Variants in CRACD observed in about 807,000 individuals in gnomAD.
CRACD encodes capping protein-inhibiting regulator of actin dynamics.
CRACD carries 56 observed loss-of-function variants against 106.8 expected under a neutral mutation model. The ratio of observed to expected loss-of-function variants is 0.52; its 90% CI spans 0.42 to 0.66. CRACD has a LOEUF of 0.66. CRACD is among the 30% of genes least tolerant of loss of function. CRACD has a pLI of 0.00. For synonymous variants in CRACD, 754 were observed against 670.8 expected (o/e 1.12, Z -1.92); for missense variants, 1,730 against 1,623.2 (o/e 1.07, Z -1.13).
chr4:56,127,109 G>A (rs1253455131), intron 1 of CRACD, among the ~76,000 whole-genome samples: 2 of 152,166 alleles, frequency 1.3e-5, no homozygotes, highest in Admixed American at 6.5e-5. Context: ...AGGGCTTGAT[G>A]GAGGGAATAA....
intron 2 of CRACD, among the ~76,000 whole-genome samples, chr4:56,220,240 A>C (rs1278771586): frequency 6.6e-6 from 1 of 152,210 alleles, no homozygotes; most frequent in East Asian, 1.9e-4. Flanking sequence ...TAAACACAGA[A>C]GAAAAAAAGA....
chr4:56,116,568 A>G (rs2109848596), intron 1 of CRACD, among the ~76,000 whole-genome samples: 1 of 152,294 alleles, frequency 6.6e-6, no homozygotes, highest in East Asian at 1.9e-4. Flanking sequence ...CATCAATTTC[A>G]ACCCTCATCA....
intron 1 of CRACD, among the ~76,000 whole-genome samples, chr4:56,110,413 G>A (rs560209698): frequency 7.2e-5 from 11 of 152,164 alleles, no homozygotes; most frequent in Non-Finnish European, 1.5e-4. Flanking sequence ...CCAGGAAATA[G>A]TGCATTTACC....
chr4:56,292,691 A>C (rs955817841), intron 3 of CRACD, among the ~76,000 whole-genome samples: 15 of 151,962 alleles, frequency 9.9e-5, no homozygotes, highest in Non-Finnish European at 1.3e-4. Flanking sequence ...CGCCCAGCTA[A>C]TTTTTTGTAT....
chr4:56,262,815 T>G (rs550532054), intron 2 of CRACD, among the ~76,000 whole-genome samples: 19 of 152,230 alleles, frequency 1.2e-4, no homozygotes, highest in Non-Finnish European at 1.3e-4. Context: ...TAGCAAAGCT[T>G]AATGTGAATA....
intron 1 of CRACD, among the ~76,000 whole-genome samples, chr4:56,061,082 CA>C (rs1354161725): frequency 2.6e-5 from 4 of 152,208 alleles, no homozygotes; most frequent in Non-Finnish European, 5.9e-5. Context: ...AGCATAATCA[CA>C]TTGACTTTGA....
At chr4:56,247,141 T>G (rs1740727631) in intron 2 of CRACD, among the ~76,000 whole-genome samples, 1 of 152,154 alleles carries the variant, frequency 6.6e-6, no homozygotes, top group Non-Finnish European at 1.5e-5. Flanking sequence ...GTCATGGGGT[T>G]GTGGGAGAAG....
chr4:56,058,604 A>G (rs1436175714), intron 1 of CRACD, among the ~76,000 whole-genome samples: 1 of 152,224 alleles, frequency 6.6e-6, no homozygotes, highest in East Asian at 1.9e-4. Flanking sequence ...GCTTCCTGTC[A>G]GTTTTGTGAG....
chr4:56,113,676 A>T (rs955347681), intron 1 of CRACD, among the ~76,000 whole-genome samples: 2 of 152,132 alleles, frequency 1.3e-5, no homozygotes, highest in African/African-American at 4.8e-5. Flanking sequence ...ATCTCAGAGT[A>T]TTGGACAAAT....
chr4:56,133,246 G>A (rs1734885832), intron 1 of CRACD, among the ~76,000 whole-genome samples: 1 of 152,188 alleles, frequency 6.6e-6, no homozygotes, highest in South Asian at 2.1e-4. Context: ...TGTCCTGAAC[G>A]CACTAAATAG....
intron 2 of CRACD, among the ~76,000 whole-genome samples, chr4:56,218,942 G>A (rs760025755): frequency 5.9e-5 from 9 of 152,164 alleles, no homozygotes; most frequent in Admixed American, 4.6e-4. Flanking sequence ...TATTTGGCCA[G>A]GTAGTTGCAG....
chr4:56,313,995 G>A, intron 7 of CRACD, 45 bp from the exon 8 acceptor site: 1 of 1,582,392 alleles, frequency 6.3e-7, no homozygotes, highest in Non-Finnish European at 8.6e-7. Context: ...ACGACTGTGG[G>A]TGGAGAAAGC....
intron 4 of CRACD, among the ~76,000 whole-genome samples, chr4:56,304,033 G>C (rs536406871): frequency 6.6e-6 from 1 of 152,256 alleles, no homozygotes; most frequent in Non-Finnish European, 1.5e-5. Flanking sequence ...GATTTTGCCA[G>C]GATGAACATA....
intron 1 of CRACD, among the ~76,000 whole-genome samples, chr4:56,151,869 A>G (rs1008483793): frequency 6.6e-6 from 1 of 152,190 alleles, no homozygotes; most frequent in Non-Finnish European, 1.5e-5. Context: ...TTTCCCAGGA[A>G]TCTCACAGAA....
At chr4:56,275,504 C>T (rs1221312688) in intron 3 of CRACD, among the ~76,000 whole-genome samples, 9 of 152,146 alleles carry the variant, frequency 5.9e-5, no homozygotes, top group Non-Finnish European at 1.2e-4. Context: ...ATACATATTT[C>T]TCTTTTCTAG....
chr4:56,267,259 T>A (rs995495549), intron 2 of CRACD, among the ~76,000 whole-genome samples: 2 of 152,108 alleles, frequency 1.3e-5, no homozygotes, highest in Non-Finnish European at 2.9e-5. Context: ...TAGCTGGAAT[T>A]ATAGGCACCA....
At chr4:56,278,751 G>C (rs1742821131) in intron 3 of CRACD, among the ~76,000 whole-genome samples, 1 of 151,924 alleles carries the variant, frequency 6.6e-6, no homozygotes, top group South Asian at 2.1e-4. Flanking sequence ...TTTGGAATAA[G>C]TAAAAATAAA....
chr4:56,054,727 C>T (rs570393547), intron 1 of CRACD, among the ~76,000 whole-genome samples: 1 of 152,276 alleles, frequency 6.6e-6, no homozygotes, highest in African/African-American at 2.4e-5. Flanking sequence ...TTTATAGTCA[C>T]ATGTTGTCAG....
chr4:56,165,285 G>A (rs576049362), intron 1 of CRACD, among the ~76,000 whole-genome samples: 12 of 152,324 alleles, frequency 7.9e-5, no homozygotes, highest in Non-Finnish European at 1.5e-4. Context: ...GCTGGGCACT[G>A]ACGTAGCAGC....
Sources: gnomAD v4.1 joint callset for allele counts (sites outside exome capture counted in the v4.1 genomes callset) on GRCh38, gnomAD v4.1.1 for gene constraint, MANE v1.5 for transcripts, NCBI Gene and HGNC (gene_info 2026-07-23, HGNC 2026-07-21) for gene names.